Variants in GPATCH8 observed in about 807,000 individuals in gnomAD.
GPATCH8 encodes the protein G patch domain-containing protein 8.
Under a neutral mutation model 118.3 loss-of-function variants are expected in GPATCH8, and 18 were observed. The observed-to-expected ratio is 0.15, with a 90% CI of 0.11 to 0.23. The LOEUF is 0.23. Among genes scored for constraint, GPATCH8 ranks in the 10% least tolerant of loss-of-function variants. GPATCH8 has a pLI of 1.00. For synonymous variants in GPATCH8, 659 were observed against 684.7 expected (o/e 0.96, Z 0.59); for missense variants, 1,631 against 1,873.8 (o/e 0.87, Z 2.39).
chr17:44,459,007 A>G (rs1351279721), intron 3 of GPATCH8, among the ~76,000 whole-genome samples: 1 of 152,186 alleles, frequency 6.6e-6, no homozygotes, highest in African/African-American at 2.4e-5. Context: ...GACAATGGGG[A>G]CCCAACTTTT....
At chr17:44,416,046 A>T (rs1455011886) in intron 6 of GPATCH8, among the ~76,000 whole-genome samples, 5 of 152,240 alleles carry the variant, frequency 3.3e-5, no homozygotes, top group Non-Finnish European at 4.4e-5. Context: ...TCTGTTGCCC[A>T]GGCTGGAGTG....
intron 1 of GPATCH8, among the ~76,000 whole-genome samples, chr17:44,479,849 C>G (rs547344233): frequency 6.6e-6 from 1 of 152,058 alleles, no homozygotes; most frequent in South Asian, 2.1e-4. Context: ...TGCCTGTAAT[C>G]CCAGCTACCC....
chr17:44,498,531 T>C (rs1016307724), intron 1 of GPATCH8, among the ~76,000 whole-genome samples: 3 of 152,232 alleles, frequency 2.0e-5, no homozygotes, highest in African/African-American at 7.2e-5. Flanking sequence ...GACTTTACTT[T>C]GGTCACTCTC....
intron 6 of GPATCH8, among the ~76,000 whole-genome samples, chr17:44,416,350 G>C (rs2143818520): frequency 6.6e-6 from 1 of 152,184 alleles, no homozygotes. Flanking sequence ...TGTCGTGATT[G>C]CTGGGTATAA....
intron 7 of GPATCH8, 81 bp downstream of exon 7, chr17:44,405,840 A>G (rs957490643): frequency 9.2e-7 from 1 of 1,087,100 alleles, no homozygotes; most frequent in Non-Finnish European, 1.4e-6. Context: ...TTTAAATCTT[A>G]AATTATAATC....
intron 1 of GPATCH8, among the ~76,000 whole-genome samples, chr17:44,497,900 C>T (rs753379496): frequency 2.1e-3 from 315 of 151,814 alleles, no homozygotes; most frequent in Admixed American, 3.8e-3. Context: ...GATCCCACAA[C>T]TGTACTCTAG....
chr17:44,484,095 C>T (rs1037615940), intron 1 of GPATCH8, among the ~76,000 whole-genome samples: 1 of 152,172 alleles, frequency 6.6e-6, no homozygotes, highest in African/African-American at 2.4e-5. Context: ...CCGCCTCGGA[C>T]TTCCAAAGTG....
chr17:44,442,213 T>A (rs1466155184), intron 3 of GPATCH8, among the ~76,000 whole-genome samples: 6 of 132,188 alleles, frequency 4.5e-5, no homozygotes, highest in South Asian at 2.4e-4. Context: ...AGTGATGATG[T>A]AAAAAAAAAA....
chr17:44,453,705 A>AT (rs1214616188), intron 3 of GPATCH8, among the ~76,000 whole-genome samples: 1 of 151,474 alleles, frequency 6.6e-6, no homozygotes, highest in Non-Finnish European at 1.5e-5. Flanking sequence ...TTTATTTTTT[A>AT]TTTTTTGGTA....
At chr17:44,480,300 G>A (rs188308296) in intron 1 of GPATCH8, among the ~76,000 whole-genome samples, 3 of 152,060 alleles carry the variant, frequency 2.0e-5, no homozygotes, top group Non-Finnish European at 4.4e-5. Context: ...AAAAAAATGC[G>A]GCAGGGCGCG....
intron 5 of GPATCH8, among the ~76,000 whole-genome samples, chr17:44,425,305 A>G (rs965926882): frequency 2.6e-5 from 4 of 152,200 alleles, no homozygotes; most frequent in Admixed American, 1.3e-4. Flanking sequence ...CCTAAAAAAG[A>G]TAAGTCTTAT....
chr17:44,432,556 G>A (rs1598476372), intron 5 of GPATCH8, among the ~76,000 whole-genome samples: 1 of 152,132 alleles, frequency 6.6e-6, no homozygotes, highest in African/African-American at 2.4e-5. Context: ...GTACTAACGG[G>A]ACAGGCTTTT....
chr17:44,503,259 C>G (rs1003065977), intron 1 of GPATCH8, 67 bp downstream of exon 1: 26 of 1,357,394 alleles, frequency 1.9e-5, no homozygotes, highest in Admixed American at 5.7e-5. Context: ...GGCTGGGAGC[C>G]GGAGATGAAG....
intron 2 of GPATCH8, chr17:44,465,255 T>C (rs895055419): frequency 6.6e-6 from 1 of 152,072 alleles, no homozygotes; most frequent in Admixed American, 6.6e-5. Context: ...CTAACAAAAA[T>C]GCTAAGATGT....
Position 44,395,729 on chromosome 17 carries a change from G to A in GPATCH8, c.*1839C>T, listed in dbSNP as rs1174526695. On this transcript the variant is annotated 3_prime_UTR_variant, in exon 8 of 8. Transcript: ENST00000591680. ...AAACTTTACTCTTTTGAGAATTTGC[G>A]AAGGCAGGAACAGAGCCTTGGCCCA... is the stretch of plus-strand genomic sequence containing the variant. The A allele has an allele frequency of 1.3e-5, 6 of 454,120 alleles. No homozygotes were observed. Among genetic ancestry groups the A allele is most frequent in the Admixed American group, 2.3e-5 (1 of 42,572 alleles). 28.1% of individuals were successfully genotyped at this position (454,120 alleles called of 1,614,324 possible).
intron 6 of GPATCH8, among the ~76,000 whole-genome samples, chr17:44,408,079 T>G (rs749575875): frequency 2.0e-4 from 30 of 152,326 alleles, no homozygotes; most frequent in Middle Eastern, 6.8e-3. Context: ...TCAGGCCTAT[T>G]ATATGATTAC....
chr17:44,456,323 C>T (rs1243926493), intron 3 of GPATCH8, among the ~76,000 whole-genome samples: 1 of 152,094 alleles, frequency 6.6e-6, no homozygotes, highest in Non-Finnish European at 1.5e-5. Context: ...GTTATATTGT[C>T]TAGGTTGGTC....
intron 3 of GPATCH8, among the ~76,000 whole-genome samples, chr17:44,438,019 A>G (rs943361839): frequency 6.6e-6 from 1 of 152,124 alleles, no homozygotes; most frequent in African/African-American, 2.4e-5. Flanking sequence ...ACTGCCAGTA[A>G]AGCAAAATGA....
Position 44,397,706 on chromosome 17 carries a change from G to A in GPATCH8, c.4371C>T (p.Val1457=). The A allele has an allele frequency of 6.2e-7, 1 of 1,610,286 alleles. No individual in the cohort carries two copies. Among genetic ancestry groups the A allele is most frequent in the Non-Finnish European group, 8.5e-7 (1 of 1,177,558 alleles). ...GGGTGGGGTAGAGGGCAGCATGTGG[G>A]ACAGGGTGAAAGGTGAAGGGCCCAG... ...IHPGPFTFHP[V]PHAALYPTLL... The change falls in exon 8 of 8, where the codon GTC becomes GTT. Residue 1457 remains valine (V), a synonymous_variant. Coordinates refer to ENST00000591680, the MANE Select transcript of GPATCH8 (RefSeq NM_001002909.4).
Sources: gnomAD v4.1 joint callset for allele counts (sites outside exome capture counted in the v4.1 genomes callset) on GRCh38, gnomAD v4.1.1 for gene constraint, MANE v1.5 for transcripts, NCBI Gene and HGNC (gene_info 2026-07-23, HGNC 2026-07-21) for gene names.